SFXN5: variants seen among roughly 807,000 people sequenced by gnomAD.
The protein encoded by SFXN5 is sideroflexin 5, also known as sideroflexin-5.
SFXN5 carries 43 observed loss-of-function variants against 50.2 expected under a neutral mutation model. The observed-to-expected ratio is 0.86, with a 90% confidence interval of 0.67 to 1.11. The LOEUF (loss-of-function observed/expected upper bound fraction) is 1.11. Ranked by LOEUF, SFXN5 falls within the 50% of genes least tolerant of loss-of-function variation. The pLI is 0.00. For missense variants in SFXN5, 463 were observed against 454.1 expected, an observed-to-expected ratio of 1.02 and a Z score of -0.18; for synonymous variants, 203 against 185.8, an observed-to-expected ratio of 1.09 and a Z score of -0.75.
At chr2:73,059,909 C>G (rs1005977200) in intron 1 of SFXN5, 1 of 860,022 alleles carries the variant, frequency 1.2e-6, no homozygotes, top group African/African-American at 2.0e-5. Context: ...CTGCTGCATT[C>G]TTTACAAAGG....
At chr2:73,014,240 T>C (rs1675886942) in intron 6 of SFXN5, among the ~76,000 whole-genome samples, 1 of 152,202 alleles carries the variant, frequency 6.6e-6, no homozygotes, top group Non-Finnish European at 1.5e-5. Flanking sequence ...CTTTTGCATA[T>C]AAGGTGATGT....
At position 72,945,697 on chromosome 2, in the gene SFXN5, G is replaced by A. The variant is rs2118302; in HGVS notation, c.946-598C>T. On this transcript the variant is annotated intron_variant, in intron 13 of 13. Transcript: ENST00000272433. The surrounding 1 kb of genome is among the most constrained non-coding windows in gnomAD (Gnocchi z 5.8). The stretch of plus-strand genomic sequence containing the variant: ...TCCCTAGCCCAAGGGTCCCTCCCAC[G>A]CTGCTGGCAGAAGCCCTGCTTCGGA... 2.3e-3 allele frequency among the ~76,000 whole-genome samples: 347 copies of A among 152,026 alleles called. 1 individual carries two copies. Among genetic ancestry groups the A allele is most frequent in the South Asian group, 0.021 (100 of 4,794 alleles).
At chr2:73,023,052 G>T in intron 4 of SFXN5, 136 bp downstream of exon 4, 1 of 753,432 alleles carries the variant, frequency 1.3e-6, no homozygotes. Context: ...GCAGAAGGAA[G>T]GGGTGAGGGG....
At chr2:72,947,151 C>T (rs1314789159) in intron 13 of SFXN5, among the ~76,000 whole-genome samples, 1 of 152,244 alleles carries the variant, frequency 6.6e-6, no homozygotes, top group Non-Finnish European at 1.5e-5. Context: ...CCCACCTCTC[C>T]ACATTAGATC....
rs11686652 is a variant in SFXN5, at chr2:72,942,453, C to G, written c.*2569G>C. Reference sequence around the variant, plus strand: ...CCAGGCAGGGACACCAGGGGTGCAGCACCATCGCAGGCGTGGCTTGTGTTC... The same window carrying G: ...CCAGGCAGGGACACCAGGGGTGCAGGACCATCGCAGGCGTGGCTTGTGTTC... On this transcript the variant is annotated 3_prime_UTR_variant, in exon 14 of 14. Coordinates refer to ENST00000272433, the MANE Select transcript of SFXN5 (RefSeq NM_144579.3). 14,205 of 152,432 alleles carry G rather than the reference C, an allele frequency of 0.093. 883 individuals carry two copies. The highest frequency in any genetic ancestry group is 0.14 in the Non-Finnish European group (9,517 of 68,172). 9.4% of individuals were successfully genotyped at this position (152,432 alleles called of 1,614,324 possible).
chr2:73,071,657 T>A lies in SFXN5; in HGVS notation c.49A>T (p.Ser17Cys), dbSNP rs1221097365. 1 of 1,613,150 alleles carries A rather than the reference T, an allele frequency of 6.2e-7. No individual in the cohort carries two copies. Among genetic ancestry groups the A allele is most frequent in the South Asian group, 1.1e-5 (1 of 91,056 alleles). The change falls in exon 1 of 14, where the codon AGC (serine) becomes TGC (cysteine). Residue 17 changes from serine to cysteine, a missense_variant. Physicochemically the swap from Ser to Cys is moderately radical, Grantham distance 112. Transcript: ENST00000272433. ...AAAGGAGGTGCATCGCTCGAGGCGC[T>A]AGCGGCACTAGCCGCCGCCGCCGAT... ...TASAAAASAASASSDAPPFQL... is the reference protein window; with the variant it reads ...TASAAAASAACASSDAPPFQL...
At position 73,001,654 on chromosome 2, in the gene SFXN5, C is replaced by T. The variant is rs1403116055; in HGVS notation, c.358-76G>A. 3 of 1,401,510 alleles carry T rather than the reference C, an allele frequency of 2.1e-6. No homozygotes were observed. The East Asian group carries it at 6.8e-5, about 32-fold the overall frequency. 86.8% of individuals were successfully genotyped at this position (1,401,510 alleles called of 1,614,324 possible). A position where few individuals can be genotyped will look rare whatever the true frequency, so the allele number is the denominator to read the frequency against. On this transcript the variant is annotated intron_variant, in intron 6 of 13. Transcript: ENST00000272433. ...GCTTTTGCAAAGAAAAAATACGCTA[C>T]CACAAATGAGTGAGCTGGATCTGTA...
intron 1 of SFXN5, among the ~76,000 whole-genome samples, chr2:73,060,169 C>A (rs770939235): frequency 6.6e-6 from 1 of 151,980 alleles, no homozygotes; most frequent in Non-Finnish European, 1.5e-5. Flanking sequence ...AGGAAAGGAG[C>A]GGATTCAAAG....
chr2:72,947,759 G>C lies in SFXN5; in HGVS notation c.946-2660C>G, dbSNP rs1672118900. On this transcript the variant is annotated intron_variant, in intron 13 of 13. Coordinates refer to ENST00000272433, the MANE Select transcript of SFXN5 (RefSeq NM_144579.3). Reference sequence around the variant, plus strand: ...TCACCCGAGAGGGCCAAACAGAGGAGAGCCAGGCTGAGGGCCCAGGCCTCT... The same window carrying C: ...TCACCCGAGAGGGCCAAACAGAGGACAGCCAGGCTGAGGGCCCAGGCCTCT... Among the ~76,000 whole-genome samples, 3 of 152,152 alleles carry C rather than the reference G, an allele frequency of 2.0e-5. No homozygotes were observed. The South Asian group carries it at 6.2e-4, about 32-fold the overall frequency.
chr2:73,053,756 A>AC lies in SFXN5; in HGVS notation c.171+4771dup, dbSNP rs1006331474. Among the ~76,000 whole-genome samples, 217 of 151,862 alleles carry AC rather than the reference A, an allele frequency of 1.4e-3. 2 individuals are homozygous for AC. The highest frequency in any genetic ancestry group is 5.0e-3 in the African/African-American group (206 of 41,382). On this transcript the variant is annotated intron_variant, in intron 2 of 13. Transcript: ENST00000272433. ...CTGCCTAGGATCTTTCTACTTCTGG[A>AC]CCCCCCAGCTTCCAGAGCCACCTCC...
chr2:73,003,411 C>A (rs1300314330), intron 6 of SFXN5, among the ~76,000 whole-genome samples: 1 of 152,226 alleles, frequency 6.6e-6, no homozygotes, highest in Non-Finnish European at 1.5e-5. Context: ...ATTTACCAGA[C>A]AACTGCTGTC....
At chr2:72,946,628 C>A (rs1390099614) in intron 13 of SFXN5, among the ~76,000 whole-genome samples, 2 of 152,090 alleles carry the variant, frequency 1.3e-5, no homozygotes, top group Non-Finnish European at 2.9e-5. Context: ...TGAAATGGAA[C>A]TGAACCTGCC....
intron 9 of SFXN5, among the ~76,000 whole-genome samples, chr2:72,991,482 C>A (rs1283823544): frequency 1.3e-5 from 2 of 152,258 alleles, no homozygotes; most frequent in Admixed American, 1.3e-4. Flanking sequence ...GGTCACAGTG[C>A]CCACTTGCCA....
chr2:73,043,081 TAAAC>T (rs1038412235), intron 2 of SFXN5, among the ~76,000 whole-genome samples: 197 of 151,984 alleles, frequency 1.3e-3, no homozygotes, highest in African/African-American at 4.5e-3. Flanking sequence ...AATAAATAAA[TAAAC>T]AAATAAACAA....
At chr2:73,062,059 G>A (rs1241648015) in intron 1 of SFXN5, among the ~76,000 whole-genome samples, 1 of 152,220 alleles carries the variant, frequency 6.6e-6, no homozygotes, top group Non-Finnish European at 1.5e-5. Context: ...CGAGGCTGCA[G>A]TGAGCTATGA....
At chr2:72,976,620 T>G (rs1483671325) in intron 10 of SFXN5, among the ~76,000 whole-genome samples, 1 of 152,172 alleles carries the variant, frequency 6.6e-6, no homozygotes, top group African/African-American at 2.4e-5. Context: ...GATGCTGTGT[T>G]TAACAACCAA....
At chr2:73,055,864 G>A (rs915455991) in intron 2 of SFXN5, among the ~76,000 whole-genome samples, 3 of 152,152 alleles carry the variant, frequency 2.0e-5, no homozygotes, top group Non-Finnish European at 2.9e-5. Flanking sequence ...TTATCTGCCC[G>A]CCTTGGCCTC....
chr2:73,047,353 GTGTATATA>G (rs1680636137), intron 2 of SFXN5, among the ~76,000 whole-genome samples: 1 of 133,638 alleles, frequency 7.5e-6, no homozygotes, highest in Admixed American at 8.3e-5. Flanking sequence ...ACATATATAT[GTGTATATA>G]TGTATATATA....
chr2:72,944,797 A>C lies in SFXN5; in HGVS notation c.*225T>G. 1.9e-6 allele frequency: 1 copy of C among 516,388 alleles called. No individual in the cohort carries two copies. The allele number at this position is 516,388 out of a possible 1,614,324, so 32.0% of individuals were successfully genotyped here. The stretch of plus-strand genomic sequence containing the variant: ...TTGACAACCCCACATAAGGCCCAGA[A>C]ATGCACTTGATTATTTTTTTGTACG... On this transcript the variant is annotated 3_prime_UTR_variant, in exon 14 of 14. Transcript: ENST00000272433.
Sources: allele counts gnomAD v4.1 joint callset (sites outside exome capture counted in the v4.1 genomes callset), GRCh38; gene constraint gnomAD v4.1.1; non-coding constraint Gnocchi (gnomAD v3.1); transcripts MANE v1.5; gene names NCBI Gene and HGNC (gene_info 2026-07-23, HGNC 2026-07-21).